DLX6: variants seen among roughly 807,000 people sequenced by gnomAD.
DLX6 encodes homeobox protein DLX-6.
A neutral mutation model predicts 33.5 loss-of-function variants in DLX6; 4 were observed. The observed-to-expected ratio is 0.12, with a 90% CI of 0.06 to 0.27. The LOEUF (loss-of-function observed/expected upper bound fraction) is 0.27. Ranked by LOEUF, DLX6 falls within the 10% of genes least tolerant of loss-of-function variation. DLX6 has a pLI of 1.00. For synonymous variants in DLX6, 184 were observed against 164.8 expected, an observed-to-expected ratio of 1.12 and a Z score of -0.89; for missense variants, 382 against 393.3, an observed-to-expected ratio of 0.97 and a Z score of 0.24.
Position 97,009,854 on chromosome 7 carries a change from G to C in DLX6, c.689G>C (p.Ser230Thr). The change falls in exon 3 of 3, where the codon AGT (serine) becomes ACT (threonine). Residue 230 changes from serine (S) to threonine (T), a missense_variant. By Grantham distance (58) the Ser-to-Thr change is moderately conservative. Coordinates refer to ENST00000518156, the MANE Select transcript of DLX6 (RefSeq NM_005222.4). ...TTTAAGAAACTGCTGAAGCAGGGCA[G>C]TAATCCTCATGAGAGCGACCCCCTC... ...SKFKKLLKQG[S>T]NPHESDPLQG... The C allele has an allele frequency of 6.2e-7, 1 of 1,614,048 alleles. No individual in the cohort carries two copies. Among genetic ancestry groups the C allele is most frequent in the Non-Finnish European group, 8.5e-7 (1 of 1,179,906 alleles).
Position 97,006,241 on chromosome 7 carries a change from C to G in DLX6, c.264C>G (p.His88Gln), listed in dbSNP as rs1789726494. 3 of 1,520,282 alleles carry G rather than the reference C, an allele frequency of 2.0e-6. No homozygotes were observed. Among genetic ancestry groups the G allele is most frequent in the South Asian group, 1.2e-5 (1 of 80,170 alleles). 94.2% of individuals were successfully genotyped at this position (1,520,282 alleles called of 1,614,324 possible). Residue 88 changes from histidine to glutamine, a missense_variant, in exon 1 of 3, where the codon CAC (histidine) becomes CAG (glutamine). By Grantham distance (24) the His-to-Gln change is conservative (BLOSUM62 0). Transcript: ENST00000518156. ...AAAAAAGSHH[H>Q]HHHQHHHHGS... ...CGGCAGCGGCCGGCTCGCACCACCA[C>G]CACCACCACCAGCACCACCACCACG...
chr7:97,007,409 C>T, intron 1 of DLX6: 1 of 608,398 alleles, frequency 1.6e-6, no homozygotes, highest in South Asian at 2.0e-5. Context: ...CTGGCGCTCC[C>T]TTGGCCCAGA....
Position 97,007,677 on chromosome 7 carries a change from G to A in DLX6, c.476G>A (p.Arg159Lys). The stretch of plus-strand genomic sequence containing the variant: ...ACAGTGATTGAAAACGGGGAAATCA[G>A]GTTCAATGGAAAAGGGAAAAAGATT... Reference protein sequence around the residue: ...KTTVIENGEIRFNGKGKKIRK... With the variant: ...KTTVIENGEIKFNGKGKKIRK... Residue 159 changes from arginine (R) to lysine (K), a missense_variant, in exon 2 of 3, where the codon AGG becomes AAG. By Grantham distance (26) the Arg-to-Lys change is conservative (BLOSUM62 2). This residue lies in a region of DLX6 where 25 missense variants were observed against 51.9 expected (regional missense o/e 0.48). Transcript: ENST00000518156. 1 of 1,612,740 alleles carries A rather than the reference G, an allele frequency of 6.2e-7. No homozygotes were observed. Among genetic ancestry groups the A allele is most frequent in the South Asian group, 1.1e-5 (1 of 90,668 alleles).
chr7:97,007,120 G>C, intron 1 of DLX6: 1 of 202,030 alleles, frequency 4.9e-6, no homozygotes. Context: ...GGGCTGGTCT[G>C]AGCTGTTGGT....
At chr7:97,009,673 TGGC>T in intron 2 of DLX6, 120 bp from the exon 3 acceptor site, 8 of 1,426,968 alleles carry the variant, frequency 5.6e-6, no homozygotes, top group Non-Finnish European at 7.6e-6. Context: ...TTGTAGGCGT[TGGC>T]GGTGGTTGTT....
In DLX6 at chr7:97,010,172, C is replaced by A; in HGVS notation, c.*125C>A. ...AGAGCTCATAAGTGTGGCAAGAAGCCGACTAGGCTCATTCTCTCTCCCTCT... is the reference window on the plus strand; with the variant it reads ...AGAGCTCATAAGTGTGGCAAGAAGCAGACTAGGCTCATTCTCTCTCCCTCT... On this transcript the variant is annotated 3_prime_UTR_variant, in exon 3 of 3. Transcript: ENST00000518156. 8.8e-7 allele frequency: 1 copy of A among 1,141,396 alleles called. No homozygotes were observed. The highest frequency in any genetic ancestry group is 1.2e-6 in the Non-Finnish European group (1 of 828,356). The allele number at this position is 1,141,396 out of a possible 1,614,324, so 70.7% of individuals were successfully genotyped here.
In DLX6 at chr7:97,005,927, G is replaced by C; in HGVS notation, c.-51G>C. ...GGAGAGCGGCGCGAGCCAAGTGGGG[G>C]AGGGTGGAGGAAACCCGGGAGAAGG... On this transcript the variant is annotated 5_prime_UTR_variant, in exon 1 of 3. Transcript: ENST00000518156. 1 of 1,480,972 alleles carries C rather than the reference G, an allele frequency of 6.8e-7. No homozygotes were observed. Among genetic ancestry groups the C allele is most frequent in the South Asian group, 1.3e-5 (1 of 74,830 alleles). 91.7% of individuals were successfully genotyped at this position (1,480,972 alleles called of 1,614,324 possible). A position where few individuals can be genotyped will look rare whatever the true frequency, so the allele number is the denominator to read the frequency against.
chr7:97,008,540 A>C (rs1291229556), intron 2 of DLX6, among the ~76,000 whole-genome samples: 1 of 152,178 alleles, frequency 6.6e-6, no homozygotes, highest in Non-Finnish European at 1.5e-5. Context: ...ACAGTTACTG[A>C]AGTTCTCCCA....
At chr7:97,007,280 A>G (rs1204896178) in intron 1 of DLX6, 3 of 566,996 alleles carry the variant, frequency 5.3e-6, no homozygotes, top group Non-Finnish European at 9.4e-6. Context: ...AGGTACTGTT[A>G]AGCCGGGCAC....
chr7:97,006,191 C>A lies in DLX6; in HGVS notation c.214C>A (p.His72Asn). 2 of 1,516,166 alleles carry A rather than the reference C, an allele frequency of 1.3e-6. No homozygotes were observed. The highest frequency in any genetic ancestry group is 1.8e-6 in the Non-Finnish European group (2 of 1,127,050). 93.9% of individuals were successfully genotyped at this position (1,516,166 alleles called of 1,614,324 possible). The change falls in exon 1 of 3, where the codon CAC (histidine) becomes AAC (asparagine). Residue 72 changes from histidine to asparagine, a missense_variant. Transcript: ENST00000518156. ...CATGGCAGGCGCGCACTACCCTCTG[C>A]ACTGCCTGCACTCGGCGGCGGCGGC... ...PAMAGAHYPL[H>N]CLHSAAAAAA...
intron 2 of DLX6, among the ~76,000 whole-genome samples, chr7:97,009,138 C>T (rs1294983447): frequency 2.0e-5 from 3 of 152,212 alleles, no homozygotes; most frequent in Non-Finnish European, 2.9e-5. Context: ...GAAGGAGCTG[C>T]AGTCCTTAAT....
At position 97,010,311 on chromosome 7, in the gene DLX6, C is replaced by T. The variant is rs532599033; in HGVS notation, c.*264C>T. ...TGCCTTTCACCTTTTTTCTCATTTA[C>T]CTTCTCTCTTGAGCAACGTCAGTAA... is the stretch of plus-strand genomic sequence containing the variant. On this transcript the variant is annotated 3_prime_UTR_variant, in exon 3 of 3. Transcript: ENST00000518156. The T allele has an allele frequency of 4.7e-6, 2 of 427,910 alleles. No individual in the cohort carries two copies. The highest frequency in any genetic ancestry group is 8.3e-6 in the Non-Finnish European group (2 of 240,396). The allele number at this position is 427,910 out of a possible 1,614,324, so 26.5% of individuals were successfully genotyped here.
Position 97,006,349 on chromosome 7 carries a change from C to T in DLX6, c.372C>T (p.His124=). ...ACCCCTACATGAGCCACTCGCAGCA[C>T]AGCCCTTACCTCCAGTCCTACCACA... ...AAYPYMSHSQ[H]SPYLQSYHNS... is the part of the protein sequence containing the mutation. Residue 124 remains histidine (H), a synonymous_variant, in exon 1 of 3, where the codon CAC becomes CAT. Coordinates refer to ENST00000518156, the MANE Select transcript of DLX6 (RefSeq NM_005222.4). The T allele has an allele frequency of 6.7e-7, 1 of 1,497,232 alleles. No homozygotes were observed. The highest frequency in any genetic ancestry group is 1.7e-4 in the Middle Eastern group (1 of 5,764). 92.7% of individuals were successfully genotyped at this position (1,497,232 alleles called of 1,614,324 possible).
Position 97,010,298 on chromosome 7 carries a change from T to C in DLX6, c.*251T>C, listed in dbSNP as rs1789820163. The C allele has an allele frequency of 4.3e-6, 2 of 460,874 alleles. No individual in the cohort carries two copies. The highest frequency in any genetic ancestry group is 7.7e-6 in the Non-Finnish European group (2 of 261,116). 28.5% of individuals were successfully genotyped at this position (460,874 alleles called of 1,614,324 possible). On this transcript the variant is annotated 3_prime_UTR_variant, in exon 3 of 3. Transcript: ENST00000518156. ...TTTCTTTTCTTTTTGCCTTTCACCT[T>C]TTTTCTCATTTACCTTCTCTCTTGA... is the stretch of plus-strand genomic sequence containing the variant.
At position 97,007,643 on chromosome 7, in the gene DLX6, C is replaced by CA; in HGVS notation, c.448dup (p.Thr150AsnfsTer5). The CA allele has an allele frequency of 6.2e-7, 1 of 1,608,958 alleles. No individual in the cohort carries two copies. The highest frequency in any genetic ancestry group is 8.5e-7 in the Non-Finnish European group (1 of 1,177,524). On this transcript the variant is annotated frameshift_variant, in exon 2 of 3. Coordinates refer to ENST00000518156, the MANE Select transcript of DLX6 (RefSeq NM_005222.4). LOFTEE classifies it high-confidence loss of function. ...TCTGTATTATTTGCTTACAGATCAA[C>CA]AAAAAACTACAGTGATTGAAAACGG...
In DLX6 at chr7:97,006,343, G is replaced by T. The variant is rs1789729963; in HGVS notation, c.366G>T (p.Ser122=). Residue 122 remains serine (S), a synonymous_variant, in exon 1 of 3, where the codon TCG becomes TCT. Transcript: ENST00000518156. The part of the protein sequence containing the change: ...SLAAYPYMSH[S]QHSPYLQSYH... ...CCGCCTACCCCTACATGAGCCACTC[G>T]CAGCACAGCCCTTACCTCCAGTCCT... 1 of 1,507,766 alleles carries T rather than the reference G, an allele frequency of 6.6e-7. No homozygotes were observed. The highest frequency in any genetic ancestry group is 2.7e-5 in the East Asian group (1 of 36,484). 93.4% of individuals were successfully genotyped at this position (1,507,766 alleles called of 1,614,324 possible).
In DLX6 at chr7:97,009,684, G is replaced by C. The variant is rs1219778426; in HGVS notation, c.631-112G>C. On this transcript the variant is annotated intron_variant, in intron 2 of 2. Coordinates refer to ENST00000518156, the MANE Select transcript of DLX6 (RefSeq NM_005222.4). ...TGGCTTGTAGGCGTTGGCGGTGGTT[G>C]TTTTTTGTTTTTTGTTTTTTTGCTT... 7.4e-6 allele frequency: 11 copies of C among 1,490,884 alleles called. No individual in the cohort carries two copies. In the Admixed American group the frequency reaches 2.4e-4, roughly 33 times the overall value. 92.4% of individuals were successfully genotyped at this position (1,490,884 alleles called of 1,614,324 possible).
chr7:97,005,985 C>T lies in DLX6; in HGVS notation c.8C>T (p.Thr3Ile), dbSNP rs1011691624. 4 of 1,588,916 alleles carry T rather than the reference C, an allele frequency of 2.5e-6. No individual in the cohort carries two copies. The African/African-American group carries it at 4.1e-5, about 16-fold the overall frequency. The change falls in exon 1 of 3, where the codon ACC becomes ATC. Residue 3 changes from threonine (T) to isoleucine (I), a missense_variant. Thr to Ile is a moderately conservative substitution (Grantham distance 89). Transcript: ENST00000518156. ...CAGCCCCCAAAGTTTTTGATGATGA[C>T]CATGACTACGATGGCTGACGGCTTG... MMTMTTMADGLEG... is the reference protein window; with the variant it reads MMIMTTMADGLEG...
chr7:97,007,341 C>G (rs1344188860), intron 1 of DLX6: 4 of 597,712 alleles, frequency 6.7e-6, no homozygotes, highest in Admixed American at 5.9e-5. Context: ...CTGCGCACCC[C>G]AGAGAGCCTC....
Sources: gnomAD v4.1 joint callset for allele counts (sites outside exome capture counted in the v4.1 genomes callset) on GRCh38, gnomAD v4.1.1 for gene constraint, gnomAD v4.1.1 regional missense constraint, MANE v1.5 for transcripts, NCBI Gene and HGNC (gene_info 2026-07-23, HGNC 2026-07-21) for gene names.